The following COL24A1 variants were observed in gnomAD, a reference collection of about 807,000 sequenced individuals.
The protein encoded by COL24A1 is collagen type XXIV alpha 1 chain, also known as collagen alpha-1(XXIV) chain.
COL24A1 carries 224 observed loss-of-function variants against 253.9 expected under a neutral mutation model. The observed-to-expected ratio is 0.88, with a 90% CI of 0.79 to 0.99. The LOEUF is 0.99. COL24A1 is among the 50% of genes least tolerant of loss of function. The pLI, the probability that COL24A1 is intolerant of heterozygous loss-of-function variation, is 0.00. For synonymous variants in COL24A1, 685 were observed against 673.7 expected, an observed-to-expected ratio of 1.02 and a Z score of -0.26; for missense variants, 2,131 against 2,068.5, an observed-to-expected ratio of 1.03 and a Z score of -0.59.
chr1:85,826,911 C>A (rs953740802), intron 43 of COL24A1, among the ~76,000 whole-genome samples: 11 of 152,102 alleles, frequency 7.2e-5, no homozygotes, highest in African/African-American at 1.2e-4. Context: ...ACTGAATACC[C>A]TTTATTTCCT....
chr1:85,831,400 A>G (rs528586774), intron 43 of COL24A1, among the ~76,000 whole-genome samples: 1 of 152,206 alleles, frequency 6.6e-6, no homozygotes, highest in African/African-American at 2.4e-5. Flanking sequence ...ATATTTTCAG[A>G]GTGATCATAG....
chr1:85,823,616 A>T, intron 44 of COL24A1, 27 bp from the exon 45 acceptor site: 1 of 1,613,882 alleles, frequency 6.2e-7, no homozygotes, highest in Non-Finnish European at 8.5e-7. Flanking sequence ...AATAAAAATC[A>T]CATATGAAGC....
chr1:86,036,748 C>T (rs1000700672), intron 12 of COL24A1, among the ~76,000 whole-genome samples: 38 of 152,076 alleles, frequency 2.5e-4, no homozygotes, highest in African/African-American at 8.7e-4. Flanking sequence ...ACATATCTTT[C>T]CTTTAATTTT....
At chr1:86,002,242 A>G (rs906647751) in intron 19 of COL24A1, among the ~76,000 whole-genome samples, 4 of 152,112 alleles carry the variant, frequency 2.6e-5, no homozygotes, top group African/African-American at 9.7e-5. Context: ...ACCATTAAAA[A>G]CCTAAAAGAT....
rs936613734 is a variant in COL24A1, at chr1:85,748,583, G to T, written c.4438-3077C>A. Among the ~76,000 whole-genome samples, 4 of 151,178 alleles carry T rather than the reference G, an allele frequency of 2.6e-5. 1 individual carries two copies. The South Asian group carries it at 8.5e-4, about 32-fold the overall frequency. ...GTCTACAGCTCCCAGCGTGAGCCAC[G>T]CAGAAGACGGGTGATTTCTGCATTT... On this transcript the variant is annotated intron_variant, in intron 55 of 59. Transcript: ENST00000370571.
intron 21 of COL24A1, 87 bp downstream of exon 21, chr1:85,971,252 GC>G (rs1692138477): frequency 9.9e-7 from 1 of 1,014,544 alleles, no homozygotes; most frequent in Non-Finnish European, 1.5e-6. Flanking sequence ...TGGTGTTTAA[GC>G]AAAAACTGAA....
chr1:85,891,154 C>T (rs550415561), intron 31 of COL24A1, among the ~76,000 whole-genome samples: 18 of 151,770 alleles, frequency 1.2e-4, no homozygotes, highest in East Asian at 1.9e-4. Context: ...GGGTTCACGC[C>T]GTTCTCCTGC....
intron 2 of COL24A1, among the ~76,000 whole-genome samples, chr1:86,132,546 G>A (rs1479292545): frequency 6.6e-6 from 1 of 152,124 alleles, no homozygotes; most frequent in Non-Finnish European, 1.5e-5. Context: ...TTTTGTATAA[G>A]GTGTAAGGAA....
At chr1:86,147,875 C>A (rs1380335936) in intron 1 of COL24A1, among the ~76,000 whole-genome samples, 1 of 152,176 alleles carries the variant, frequency 6.6e-6, no homozygotes, top group African/African-American at 2.4e-5. Context: ...CTTTTAAAAT[C>A]CTTTCCTACT....
chr1:85,916,781 A>G (rs1419752868), intron 24 of COL24A1, among the ~76,000 whole-genome samples: 1 of 152,250 alleles, frequency 6.6e-6, no homozygotes, highest in Non-Finnish European at 1.5e-5. Context: ...GAACTCATAC[A>G]TACACAGCAG....
intron 6 of COL24A1, 46 bp downstream of exon 6, chr1:86,092,221 G>C (rs1194109678): frequency 7.2e-7 from 1 of 1,398,474 alleles, no homozygotes; most frequent in East Asian, 2.3e-5. Context: ...ATTTTAAAAT[G>C]CTTGAAATAT....
At chr1:85,918,835 GA>G (rs949137721) in intron 24 of COL24A1, among the ~76,000 whole-genome samples, 4 of 151,972 alleles carry the variant, frequency 2.6e-5, no homozygotes, top group Non-Finnish European at 5.9e-5. Flanking sequence ...AATGTGAAAA[GA>G]AAAAATGGTA....
At chr1:85,849,212 T>C (rs536219684) in intron 38 of COL24A1, 141 bp downstream of exon 38, 9 of 451,652 alleles carry the variant, frequency 2.0e-5, no homozygotes, top group Non-Finnish European at 3.5e-5. Context: ...TATTAATTTA[T>C]ATAAATGTAT....
chr1:85,772,568 G>A (rs147272943), intron 53 of COL24A1, among the ~76,000 whole-genome samples: 1 of 151,992 alleles, frequency 6.6e-6, no homozygotes, highest in South Asian at 2.1e-4. Flanking sequence ...CATTCTAACT[G>A]GTGTGAGATG....
intron 19 of COL24A1, among the ~76,000 whole-genome samples, chr1:86,005,591 GAAGA>G (rs1475092681): frequency 6.6e-6 from 1 of 151,790 alleles, no homozygotes; most frequent in Admixed American, 6.6e-5. Context: ...AATGATCAGA[GAAGA>G]AATAACAGAC....
chr1:86,011,750 A>G (rs1696499935), intron 19 of COL24A1, among the ~76,000 whole-genome samples: 1 of 152,218 alleles, frequency 6.6e-6, no homozygotes, highest in Non-Finnish European at 1.5e-5. Flanking sequence ...AGGCTGCTAA[A>G]ACAGAATCAG....
At position 86,000,982 on chromosome 1, in the gene COL24A1, A is replaced by T. The variant is rs182794581; in HGVS notation, c.2311-13328T>A. 2.4e-3 allele frequency among the ~76,000 whole-genome samples: 373 copies of T among 152,350 alleles called. 1 individual carries two copies. Among genetic ancestry groups the T allele is most frequent in the Non-Finnish European group, 4.4e-3 (297 of 68,036 alleles). Reference sequence around the variant, plus strand: ...GATATGACTATGCTTAAAGAAATAGAAATGATTCCTGTAGAGCATTTTCCA... The same window carrying T: ...GATATGACTATGCTTAAAGAAATAGTAATGATTCCTGTAGAGCATTTTCCA... On this transcript the variant is annotated intron_variant, in intron 19 of 59. Coordinates refer to ENST00000370571, the MANE Select transcript of COL24A1 (RefSeq NM_152890.7).
intron 5 of COL24A1, among the ~76,000 whole-genome samples, chr1:86,093,603 C>T (rs186860255): frequency 2.2e-4 from 33 of 152,014 alleles, no homozygotes; most frequent in Admixed American, 3.9e-4. Context: ...GATGAAGACA[C>T]CAAAGGCAAT....
In COL24A1 at chr1:86,057,991, G is replaced by T; in HGVS notation, c.1807-16C>A. 6.2e-7 allele frequency: 1 copy of T among 1,609,846 alleles called. No homozygotes were observed. Among genetic ancestry groups the T allele is most frequent in the Admixed American group, 1.7e-5 (1 of 59,626 alleles). On this transcript the variant is annotated splice_polypyrimidine_tract_variant and intron_variant, in intron 9 of 59. Transcript: ENST00000370571. ...CAGCTAAACCCTGGTGTAAACAAAA[G>T]ACATTGTCATCATACTACAGTACTT...
Sources: allele counts gnomAD v4.1 joint callset (sites outside exome capture counted in the v4.1 genomes callset), GRCh38; gene constraint gnomAD v4.1.1; transcripts MANE v1.5; gene names NCBI Gene and HGNC (gene_info 2026-07-23, HGNC 2026-07-21).